Variants in GRAMD4 observed in about 807,000 individuals in gnomAD.
GRAMD4 encodes GRAM domain containing 4.
A neutral mutation model predicts 83.9 loss-of-function variants in GRAMD4; 25 were observed. The ratio of observed to expected loss-of-function variants is 0.30; its 90% confidence interval spans 0.22 to 0.42. GRAMD4 has a LOEUF of 0.42. Ranked by LOEUF, GRAMD4 falls within the 10% of genes least tolerant of loss-of-function variation. The probability of loss-of-function intolerance (pLI) is 1.00; values close to 1 mark genes in which losing one functional copy is unlikely to be tolerated. For missense variants in GRAMD4, 593 were observed against 788.7 expected, an observed-to-expected ratio of 0.75 and a Z score of 2.97; for synonymous variants, 336 against 320.9, an observed-to-expected ratio of 1.05 and a Z score of -0.50.
intron 1 of GRAMD4, among the ~76,000 whole-genome samples, chr22:46,601,382 T>A (rs1214960673): frequency 6.6e-6 from 1 of 152,182 alleles, no homozygotes; most frequent in Non-Finnish European, 1.5e-5. Context: ...CCAGGGTCCC[T>A]GGGCCACACT....
upstream of GRAMD4, among the ~76,000 whole-genome samples, chr22:46,617,044 G>T (rs1213249837): frequency 7.3e-6 from 1 of 137,742 alleles, no homozygotes; most frequent in African/African-American, 2.8e-5. Context: ...TCCCCTGTGC[G>T]TGTGGGTTCC....
At chr22:46,669,579 C>G (rs909932707) in intron 13 of GRAMD4, among the ~76,000 whole-genome samples, 2 of 141,968 alleles carry the variant, frequency 1.4e-5, no homozygotes, top group African/African-American at 5.0e-5. Flanking sequence ...CTCTCTCTCT[C>G]TTTTTTTTTT....
chr22:46,675,308 G>A (rs896554038), intron 16 of GRAMD4, among the ~76,000 whole-genome samples, 160 bp from the exon 17 acceptor site: 2 of 152,226 alleles, frequency 1.3e-5, no homozygotes, highest in Admixed American at 6.5e-5. Context: ...CTCATATAGA[G>A]CAGTGGCCGT....
upstream of GRAMD4, chr22:46,577,099 A>C (rs1055401417): frequency 6.4e-6 from 1 of 156,182 alleles, no homozygotes; most frequent in South Asian, 2.0e-4. Context: ...GACTCCGCGC[A>C]GCGGGACGCG....
chr22:46,674,599 AGGTCAGAGG>A lies in GRAMD4; in HGVS notation c.1385-57_1385-49del, dbSNP rs2082566547. 4 of 1,143,044 alleles carry A rather than the reference AGGTCAGAGG, an allele frequency of 3.5e-6. No individual in the cohort carries two copies. In the East Asian group the frequency reaches 9.4e-5, roughly 27 times the overall value. 70.8% of individuals were successfully genotyped at this position (1,143,044 alleles called of 1,614,324 possible). On this transcript the variant is annotated intron_variant, in intron 15 of 18. Coordinates refer to ENST00000406902, the MANE Select transcript of GRAMD4 (RefSeq NM_015124.5). ...AGTCAGGCTCCTGGGTCCCAGCGTCAGGTCAGAGGCTGGGTACTTCCAGTGGAAAGTGTG... is the reference window on the plus strand; with the variant it reads ...AGTCAGGCTCCTGGGTCCCAGCGTCACTGGGTACTTCCAGTGGAAAGTGTG...
intron 1 of GRAMD4, among the ~76,000 whole-genome samples, chr22:46,589,387 T>A (rs1378162368): frequency 2.6e-5 from 2 of 76,056 alleles, no homozygotes; most frequent in African/African-American, 1.0e-4. Flanking sequence ...AGCTCTGATA[T>A]GGGGGAGCCG....
intron 1 of GRAMD4, among the ~76,000 whole-genome samples, chr22:46,592,179 G>A (rs2147010933): frequency 1.3e-5 from 2 of 152,334 alleles, no homozygotes; most frequent in East Asian, 3.9e-4. Context: ...CCATAGGGTT[G>A]CGCCCCCAGA....
chr22:46,577,809 T>C (rs1283533587), intron 1 of GRAMD4, among the ~76,000 whole-genome samples: 2 of 152,200 alleles, frequency 1.3e-5, no homozygotes, highest in African/African-American at 4.8e-5. Context: ...TCTCTCCCTT[T>C]GTTCGGGATG....
rs376951912 is a variant in GRAMD4, at chr22:46,609,209, C to T, written c.-49-17542C>T. 1.8e-4 allele frequency among the ~76,000 whole-genome samples: 27 copies of T among 152,230 alleles called. No individual in the cohort carries two copies. In the East Asian group the frequency reaches 5.0e-3, roughly 28 times the overall value. On this transcript the variant is annotated intron_variant, in intron 1 of 1. Transcript: ENST00000431155. ...ACATACATCGCAGACCGCTGAGTGG[C>T]GCTGGTTGCTGTCTGGGCCGGCTTG...
chr22:46,668,564 C>T (rs974154120), intron 11 of GRAMD4, 125 bp from the exon 12 acceptor site: 42 of 893,932 alleles, frequency 4.7e-5, no homozygotes, highest in East Asian at 2.2e-4. Flanking sequence ...TAGGAGCAGC[C>T]GGGCAGGACC....
chr22:46,587,600 G>C (rs2081163274), intron 1 of GRAMD4, among the ~76,000 whole-genome samples: 1 of 152,096 alleles, frequency 6.6e-6, no homozygotes, highest in Non-Finnish European at 1.5e-5. Flanking sequence ...GGCCGGGGCG[G>C]GGGGCCAGTG....
intron 1 of GRAMD4, among the ~76,000 whole-genome samples, chr22:46,586,050 C>T (rs1326826012): frequency 6.6e-6 from 1 of 152,026 alleles, no homozygotes; most frequent in East Asian, 1.9e-4. Flanking sequence ...CCACGTTTCC[C>T]CAACCCTATG....
intron 3 of GRAMD4, among the ~76,000 whole-genome samples, chr22:46,643,445 A>G (rs543769828): frequency 6.6e-6 from 1 of 152,330 alleles, no homozygotes; most frequent in East Asian, 1.9e-4. Flanking sequence ...CTTTTGTAGT[A>G]TTTCCTAAAG....
intron 2 of GRAMD4, among the ~76,000 whole-genome samples, chr22:46,631,108 T>C (rs1040596633): frequency 6.6e-6 from 1 of 152,262 alleles, no homozygotes; most frequent in African/African-American, 2.4e-5. Context: ...AAGTTGGTCA[T>C]CTTTGCACAC....
At chr22:46,651,763 C>T (rs1164957786) in intron 3 of GRAMD4, among the ~76,000 whole-genome samples, 4 of 152,176 alleles carry the variant, frequency 2.6e-5, no homozygotes, top group Non-Finnish European at 4.4e-5. Flanking sequence ...TAGAGAGGCT[C>T]GGTGTGCACT....
chr22:46,663,140 T>C lies in GRAMD4; in HGVS notation c.567T>C (p.Thr189=), dbSNP rs987180686. ...EDFRFQPEEN[T]VETEEPLSAR... Reference sequence around the variant, plus strand: ...TCCGGTTCCAGCCCGAGGAGAACACTGTGGAGACAGAGGAACCCCTGAGCG... The same window carrying C: ...TCCGGTTCCAGCCCGAGGAGAACACCGTGGAGACAGAGGAACCCCTGAGCG... The change falls in exon 6 of 19, where the codon ACT becomes ACC. Residue 189 remains threonine, a synonymous_variant. Transcript: ENST00000406902. 8 of 1,612,356 alleles carry C rather than the reference T, an allele frequency of 5.0e-6. No individual in the cohort carries two copies. The highest frequency in any genetic ancestry group is 5.9e-6 in the Non-Finnish European group (7 of 1,179,636).
At chr22:46,670,605 T>C (rs2094011719) in intron 13 of GRAMD4, among the ~76,000 whole-genome samples, 1 of 152,072 alleles carries the variant, frequency 6.6e-6, no homozygotes. Flanking sequence ...GCATCTGCCC[T>C]GCTGTCCTTT....
chr22:46,671,752 A>G (rs2082509612), intron 13 of GRAMD4, among the ~76,000 whole-genome samples: 1 of 151,694 alleles, frequency 6.6e-6, no homozygotes, highest in Non-Finnish European at 1.5e-5. Flanking sequence ...AGGCAGGAGA[A>G]TCGCTTGAAC....
intron 8 of GRAMD4, among the ~76,000 whole-genome samples, chr22:46,664,555 G>T (rs1328784839): frequency 6.6e-6 from 1 of 152,214 alleles, no homozygotes; most frequent in Non-Finnish European, 1.5e-5. Flanking sequence ...GGATTGGAGG[G>T]TGCCAGGGCC....
Sources: allele counts gnomAD v4.1 joint callset (sites outside exome capture counted in the v4.1 genomes callset), GRCh38; gene constraint gnomAD v4.1.1; transcripts MANE v1.5; gene names NCBI Gene and HGNC (gene_info 2026-07-23, HGNC 2026-07-21).